Variants in ANO3 observed in about 807,000 individuals in gnomAD.
ANO3 encodes the protein anoctamin-3.
Under a neutral mutation model 144.8 loss-of-function variants are expected in ANO3, and 99 were observed. The ratio of observed to expected loss-of-function variants is 0.68; its 90% CI spans 0.58 to 0.81. ANO3 has a LOEUF of 0.81. ANO3 is among the 30% of genes least tolerant of loss of function. ANO3 has a pLI of 0.00. For missense variants in ANO3, 905 were observed against 1,202.2 expected, an observed-to-expected ratio of 0.75 and a Z score of 3.66; for synonymous variants, 414 against 392.6, an observed-to-expected ratio of 1.05 and a Z score of -0.64.
rs199719446 is a variant in ANO3, at chr11:26,539,948, C to T, written c.1033-1999C>T. ...AAACTTTCATAAAGATAGAGCCATA[C>T]ATTGGAGTGAGGAGAAAGACTTTGT... On this transcript the variant is annotated intron_variant, in intron 10 of 26. Coordinates refer to ENST00000256737, the MANE Select transcript of ANO3 (RefSeq NM_031418.4). Among the ~76,000 whole-genome samples the T allele has an allele frequency of 2.0e-5, 3 of 152,166 alleles. No individual in the cohort carries two copies. The East Asian group carries it at 5.8e-4, about 29-fold the overall frequency.
upstream of ANO3, among the ~76,000 whole-genome samples, chr11:26,327,336 T>C (rs11029519): frequency 0.02 from 3,074 of 152,270 alleles, 64 homozygotes; most frequent in East Asian, 0.13. Context: ...AGAAACATTA[T>C]GAAAATGCCA....
chr11:26,281,751 G>T (rs1853684208), intron 1 of ANO3, among the ~76,000 whole-genome samples: 1 of 152,152 alleles, frequency 6.6e-6, no homozygotes, highest in African/African-American at 2.4e-5. Flanking sequence ...TTGGTTATAT[G>T]CTGATAAGTT....
At chr11:26,225,161 A>G (rs1852231801) in intron 1 of ANO3, among the ~76,000 whole-genome samples, 1 of 152,168 alleles carries the variant, frequency 6.6e-6, no homozygotes, top group African/African-American at 2.4e-5. Flanking sequence ...GGAACCAGTA[A>G]GTGGCGGAAA....
intron 14 of ANO3, 138 bp from the exon 15 acceptor site, chr11:26,598,227 G>T: frequency 2.8e-6 from 1 of 357,372 alleles, no homozygotes. Context: ...ACAGGGAGAA[G>T]AGGAAAAGGG....
At chr11:26,254,501 C>T (rs1203577920) in intron 1 of ANO3, among the ~76,000 whole-genome samples, 1 of 152,058 alleles carries the variant, frequency 6.6e-6, no homozygotes, top group Non-Finnish European at 1.5e-5. Context: ...ATGTATTATT[C>T]AGCATATGGA....
At chr11:26,290,563 C>A (rs571831056) in intron 1 of ANO3, among the ~76,000 whole-genome samples, 1 of 152,176 alleles carries the variant, frequency 6.6e-6, no homozygotes, top group African/African-American at 2.4e-5. Context: ...ATAAATTTCC[C>A]TCTACCAACT....
At chr11:26,342,592 A>G (rs1344884115) in intron 1 of ANO3, among the ~76,000 whole-genome samples, 1 of 152,202 alleles carries the variant, frequency 6.6e-6, no homozygotes, top group Non-Finnish European at 1.5e-5. Context: ...ATCTTGAGAA[A>G]TAAATTTCTA....
intron 1 of ANO3, among the ~76,000 whole-genome samples, chr11:26,259,178 C>T (rs564855471): frequency 1.8e-4 from 27 of 152,212 alleles, no homozygotes; most frequent in Middle Eastern, 6.8e-3. Context: ...GAGGGATAAA[C>T]GCACTCTCTC....
chr11:26,430,246 C>CA (rs752637742), intron 1 of ANO3, among the ~76,000 whole-genome samples: 21,005 of 67,660 alleles, frequency 0.31, 1,622 homozygotes, highest in South Asian at 0.54. Flanking sequence ...AAGCAACTGT[C>CA]TAAAAAAAAA....
At chr11:26,349,863 G>C (rs925559948) in intron 1 of ANO3, among the ~76,000 whole-genome samples, 2 of 152,258 alleles carry the variant, frequency 1.3e-5, no homozygotes, top group South Asian at 2.1e-4. Flanking sequence ...TTGTTTTAAA[G>C]GAGCTAATGA....
chr11:26,402,883 C>G (rs1402956541), intron 1 of ANO3, among the ~76,000 whole-genome samples: 1 of 151,846 alleles, frequency 6.6e-6, no homozygotes, highest in Non-Finnish European at 1.5e-5. Context: ...CAGTGAGGAA[C>G]GTTTCTTTTC....
chr11:26,656,258 C>T (rs1853685994), intron 25 of ANO3, 53 bp downstream of exon 25: 9 of 1,527,356 alleles, frequency 5.9e-6, no homozygotes, highest in Non-Finnish European at 8.2e-6. Context: ...AAGTACTCCC[C>T]CCTGCATGTT....
intron 1 of ANO3, among the ~76,000 whole-genome samples, chr11:26,422,246 A>T (rs1364991587): frequency 6.6e-6 from 1 of 152,032 alleles, no homozygotes; most frequent in Non-Finnish European, 1.5e-5. Flanking sequence ...ACAATCAACC[A>T]GTTATTATTT....
intron 4 of ANO3, among the ~76,000 whole-genome samples, chr11:26,496,648 G>A (rs539662090): frequency 1.3e-5 from 2 of 152,014 alleles, no homozygotes; most frequent in East Asian, 1.9e-4. Context: ...AGTGTACATC[G>A]TACCTATTAG....
intron 9 of ANO3, among the ~76,000 whole-genome samples, chr11:26,536,985 C>T (rs1849525453): frequency 6.7e-6 from 1 of 149,996 alleles, no homozygotes; most frequent in South Asian, 2.1e-4. Flanking sequence ...TTAAGTATTT[C>T]TCAATACCAA....
At chr11:26,421,562 T>C (rs1857752826) in intron 1 of ANO3, among the ~76,000 whole-genome samples, 1 of 152,140 alleles carries the variant, frequency 6.6e-6, no homozygotes, top group South Asian at 2.1e-4. Flanking sequence ...TTTTCTTTTA[T>C]AGACATGATG....
At chr11:26,590,663 A>G (rs1164470959) in intron 14 of ANO3, among the ~76,000 whole-genome samples, 1 of 152,160 alleles carries the variant, frequency 6.6e-6, no homozygotes. Flanking sequence ...TGTTCAGCTC[A>G]ATTAGGACGA....
intron 1 of ANO3, among the ~76,000 whole-genome samples, chr11:26,395,343 A>C (rs191410591): frequency 6.6e-6 from 1 of 152,126 alleles, no homozygotes; most frequent in Non-Finnish European, 1.5e-5. Context: ...TGGTGATAGC[A>C]TTGAATCTCT....
intron 1 of ANO3, among the ~76,000 whole-genome samples, chr11:26,370,978 T>C (rs1691895348): frequency 6.6e-6 from 1 of 152,142 alleles, no homozygotes; most frequent in African/African-American, 2.4e-5. Context: ...CAAGCCTGCT[T>C]CAGCAATTTG....
Sources: allele counts gnomAD v4.1 joint callset (sites outside exome capture counted in the v4.1 genomes callset), GRCh38; gene constraint gnomAD v4.1.1; transcripts MANE v1.5; gene names NCBI Gene and HGNC (gene_info 2026-07-23, HGNC 2026-07-21).